ARHGAP32: variants seen among roughly 807,000 people sequenced by gnomAD.
ARHGAP32 encodes the protein rho GTPase-activating protein 32.
A neutral mutation model predicts 186.5 loss-of-function variants in ARHGAP32; 51 were observed. The ratio of observed to expected loss-of-function variants is 0.27; its 90% confidence interval spans 0.22 to 0.35. ARHGAP32 has a LOEUF of 0.35. Ranked by LOEUF, ARHGAP32 falls within the 10% of genes least tolerant of loss-of-function variation. The pLI is 1.00. For missense variants in ARHGAP32, 2,186 were observed against 2,623.5 expected (o/e 0.83, Z 3.64); for synonymous variants, 950 against 964.3 (o/e 0.99, Z 0.27).
chr11:129,106,677 T>C (rs1448635372), intron 5 of ARHGAP32, among the ~76,000 whole-genome samples: 1 of 152,034 alleles, frequency 6.6e-6, no homozygotes, highest in East Asian at 1.9e-4. Flanking sequence ...CTGAATCTAA[T>C]ATAAAAGTTG....
intron 2 of ARHGAP32, among the ~76,000 whole-genome samples, chr11:129,140,962 A>G (rs1240992994): frequency 1.3e-5 from 2 of 152,160 alleles, no homozygotes; most frequent in African/African-American, 4.8e-5. Flanking sequence ...TCCACTAGCC[A>G]GTCTTTTTCA....
At chr11:129,200,556 C>T (rs1409742038) in intron 1 of ARHGAP32, among the ~76,000 whole-genome samples, 2 of 152,098 alleles carry the variant, frequency 1.3e-5, no homozygotes, top group Non-Finnish European at 2.9e-5. Context: ...ATTGTGAGGC[C>T]TCCCGAGCCA....
At chr11:129,107,868 C>CAAAAAAAAA (rs71057924) in intron 5 of ARHGAP32, among the ~76,000 whole-genome samples, 1 of 93,406 alleles carries the variant, frequency 1.1e-5, no homozygotes, top group Non-Finnish European at 2.1e-5. Context: ...AACTATGTTT[C>CAAAAAAAAA]AAAAAAAAAA....
intron 5 of ARHGAP32, among the ~76,000 whole-genome samples, chr11:129,094,957 C>A (rs1390883898): frequency 2.6e-5 from 4 of 152,084 alleles, no homozygotes; most frequent in Non-Finnish European, 5.9e-5. Context: ...GTAACTAATA[C>A]TTAATAAATG....
chr11:129,252,159 G>A (rs1042017167), intron 1 of ARHGAP32, among the ~76,000 whole-genome samples: 11 of 151,816 alleles, frequency 7.2e-5, no homozygotes, highest in African/African-American at 2.4e-4. Flanking sequence ...TACTTGTATC[G>A]TCTTTAACAC....
intron 1 of ARHGAP32, among the ~76,000 whole-genome samples, chr11:129,187,675 C>G (rs1312863236): frequency 6.6e-6 from 1 of 152,066 alleles, no homozygotes; most frequent in Non-Finnish European, 1.5e-5. Context: ...AATATATACC[C>G]ACTATGAACC....
chr11:128,999,781 C>T (rs1379759223), intron 11 of ARHGAP32, among the ~76,000 whole-genome samples: 2 of 152,186 alleles, frequency 1.3e-5, no homozygotes, highest in Non-Finnish European at 2.9e-5. Flanking sequence ...AGACTGTCAG[C>T]AAATTTAAAT....
chr11:129,131,249 T>G (rs892119276), intron 2 of ARHGAP32, among the ~76,000 whole-genome samples: 1 of 152,020 alleles, frequency 6.6e-6, no homozygotes, highest in African/African-American at 2.4e-5. Context: ...AGACATCAAA[T>G]GGACAAACAT....
At chr11:129,000,264 A>G (rs1409920935) in intron 11 of ARHGAP32, among the ~76,000 whole-genome samples, 1 of 152,226 alleles carries the variant, frequency 6.6e-6, no homozygotes, top group Non-Finnish European at 1.5e-5. Flanking sequence ...CGACTGATAC[A>G]TTAGAAAGAC....
At chr11:129,213,409 T>G (rs1293101063) in intron 1 of ARHGAP32, among the ~76,000 whole-genome samples, 1 of 152,194 alleles carries the variant, frequency 6.6e-6, no homozygotes, top group African/African-American at 2.4e-5. Context: ...CAAAGGCAAC[T>G]GACAGCCGGT....
At chr11:129,168,644 A>C (rs770779698) in intron 1 of ARHGAP32, among the ~76,000 whole-genome samples, 15 of 152,222 alleles carry the variant, frequency 9.9e-5, no homozygotes, top group Non-Finnish European at 1.9e-4. Context: ...TGACTTGAAC[A>C]ATTCAATTTT....
intron 2 of ARHGAP32, among the ~76,000 whole-genome samples, chr11:129,148,391 A>G (rs374783438): frequency 1.4e-4 from 21 of 152,302 alleles, no homozygotes; most frequent in Non-Finnish European, 2.2e-4. Flanking sequence ...CCTAGAGCTT[A>G]AACAAATTTA....
chr11:129,086,665 C>CA (rs1350336890), intron 6 of ARHGAP32, among the ~76,000 whole-genome samples: 15 of 151,870 alleles, frequency 9.9e-5, no homozygotes, highest in African/African-American at 3.4e-4. Flanking sequence ...ACTAAAAATA[C>CA]AAAAAATTAG....
chr11:129,200,906 A>T (rs1424310174), intron 1 of ARHGAP32, among the ~76,000 whole-genome samples: 1 of 152,202 alleles, frequency 6.6e-6, no homozygotes, highest in East Asian at 1.9e-4. Flanking sequence ...GCTTTTAAAA[A>T]ATATAATCAC....
rs114465550 is a variant in ARHGAP32, at chr11:129,138,910, G to T, written c.226-14016C>A. On this transcript the variant is annotated intron_variant, in intron 2 of 22. Coordinates refer to ENST00000682385, the MANE Select transcript of ARHGAP32 (RefSeq NM_001378024.1). ...AGGAAACTGAGACCAAGAAAGAAGA[G>T]ATTTGCATAGTGTGTTAATCACAGA... Among the ~76,000 whole-genome samples the T allele has an allele frequency of 8.9e-4, 135 of 152,264 alleles. 1 individual carries two copies. The highest frequency in any genetic ancestry group is 3.2e-3 in the African/African-American group (131 of 41,566).
chr11:129,048,697 A>G (rs1203527722), intron 10 of ARHGAP32, among the ~76,000 whole-genome samples: 1 of 152,230 alleles, frequency 6.6e-6, no homozygotes, highest in Non-Finnish European at 1.5e-5. Context: ...AATATTGAAC[A>G]TAATTGTTTA....
At position 129,134,456 on chromosome 11, in the gene ARHGAP32, A is replaced by G. The variant is rs962094522; in HGVS notation, c.226-9562T>C. On this transcript the variant is annotated intron_variant, in intron 2 of 22. Coordinates refer to ENST00000682385, the MANE Select transcript of ARHGAP32 (RefSeq NM_001378024.1). ...AAATTTGAAGAATTCACAAACTCAG[A>G]ATTAATCAAAGAATGTATCAAGGTC... 5.9e-5 allele frequency among the ~76,000 whole-genome samples: 9 copies of G among 152,196 alleles called. No homozygotes were observed. The East Asian group carries it at 1.7e-3, about 29-fold the overall frequency.
intron 2 of ARHGAP32, 87 bp from the exon 3 acceptor site, chr11:129,124,981 C>G (rs1942627004): frequency 1.1e-6 from 1 of 921,656 alleles, no homozygotes; most frequent in Non-Finnish European, 1.6e-6. Flanking sequence ...GTTAATAGTT[C>G]TGCTGACTTT....
intron 6 of ARHGAP32, among the ~76,000 whole-genome samples, chr11:129,088,344 G>A (rs1355193007): frequency 1.3e-5 from 2 of 152,198 alleles, no homozygotes; most frequent in Admixed American, 1.3e-4. Context: ...CACTTTGGGA[G>A]GCCAAGGTGG....
Sources: gnomAD v4.1 joint callset for allele counts (sites outside exome capture counted in the v4.1 genomes callset) on GRCh38, gnomAD v4.1.1 for gene constraint, MANE v1.5 for transcripts, NCBI Gene and HGNC (gene_info 2026-07-23, HGNC 2026-07-21) for gene names.